NLRP2: variants seen among roughly 807,000 people sequenced by gnomAD.
NLRP2 encodes NACHT, LRR and PYD domains-containing protein 2.
Under a neutral mutation model 97.2 loss-of-function variants are expected in NLRP2, and 107 were observed. The ratio of observed to expected loss-of-function variants is 1.10; its 90% CI spans 0.94 to 1.29. The LOEUF is 1.29. Ranked by LOEUF, NLRP2 falls within the 50% of genes most tolerant of loss-of-function variation. The pLI is 0.00. For synonymous variants in NLRP2, 663 were observed against 551.5 expected, an observed-to-expected ratio of 1.20 and a Z score of -2.83; for missense variants, 1,495 against 1,330.3, an observed-to-expected ratio of 1.12 and a Z score of -1.93.
At chr19:54,999,847 C>T (rs1171922833) in intron 12 of NLRP2, among the ~76,000 whole-genome samples, 1 of 152,060 alleles carries the variant, frequency 6.6e-6, no homozygotes, top group Non-Finnish European at 1.5e-5. Context: ...AGTGATTCTC[C>T]TGTGTCAGCT....
At chr19:54,991,037 C>T (rs545474392) in intron 10 of NLRP2, 2 of 304,974 alleles carry the variant, frequency 6.6e-6, no homozygotes, top group East Asian at 1.4e-4. Context: ...CAGGCATGAG[C>T]CATGTCACCC....
intron 4 of NLRP2, among the ~76,000 whole-genome samples, chr19:54,979,172 A>T (rs1287349440): frequency 6.6e-5 from 10 of 151,728 alleles, no homozygotes; most frequent in Non-Finnish European, 1.5e-4. Context: ...TTTAGTACAG[A>T]TGGGGTTTCA....
At chr19:54,975,118 T>TG (rs2071128771) in intron 3 of NLRP2, among the ~76,000 whole-genome samples, 1 of 22,476 alleles carries the variant, frequency 4.4e-5, no homozygotes, top group Non-Finnish European at 7.9e-5. Context: ...TTTTTTTTTT[T>TG]TTTTTTTTTT....
chr19:54,998,586 CTT>C (rs994099249), intron 12 of NLRP2, among the ~76,000 whole-genome samples: 10 of 41,876 alleles, frequency 2.4e-4, no homozygotes, highest in East Asian at 1.9e-3. Context: ...CAGTTTTACT[CTT>C]TTTTTTGGGG....
In NLRP2 at chr19:54,982,219, G is replaced by T; in HGVS notation, c.521G>T (p.Ser174Ile). 1.9e-6 allele frequency: 3 copies of T among 1,614,172 alleles called. No homozygotes were observed. Among genetic ancestry groups the T allele is most frequent in the Non-Finnish European group, 2.5e-6 (3 of 1,180,034 alleles). The change falls in exon 6 of 13, where the codon AGC (serine) becomes ATC (isoleucine). Residue 174 changes from serine to isoleucine, a missense_variant. Coordinates refer to ENST00000448584, the MANE Select transcript of NLRP2 (RefSeq NM_017852.5). ...ACGAAGTTCCGGGAGATGTGGAAGAGCTGGCCTGGAGATAGCAAAGAGGTC... is the reference window on the plus strand; with the variant it reads ...ACGAAGTTCCGGGAGATGTGGAAGATCTGGCCTGGAGATAGCAAAGAGGTC... ...LKTKFREMWK[S>I]WPGDSKEVQV... is the part of the protein sequence containing the mutation.
In NLRP2 at chr19:54,998,604, CTTTTTTCTTTTTTTTTTTTTTTTTTCCT is replaced by C. The variant is rs2072978614; in HGVS notation, c.3050+1124_3050+1151del. 2.4e-4 allele frequency among the ~76,000 whole-genome samples: 4 copies of C among 16,430 alleles called. No homozygotes were observed. The Admixed American group carries it at 2.5e-3, about 10-fold the overall frequency. The allele number at this position is 16,430 out of a possible 152,430, so 10.8% of individuals were successfully genotyped here. A position where few individuals can be genotyped will look rare whatever the true frequency, so the allele number is the denominator to read the frequency against. On this transcript the variant is annotated intron_variant, in intron 12 of 12. Transcript: ENST00000448584. ...TTTTACTCTTTTTTTTGGGGTGCAT[CTTTTTTCTTTTTTTTTTTTTTTTTTCCT>C]TTTTTTTTTTTTTTTTTTTTATTGA... is the stretch of plus-strand genomic sequence containing the variant.
At position 54,986,571 on chromosome 19, in the gene NLRP2, T is replaced by A. The variant is rs58359316; in HGVS notation, c.2366+256T>A. On this transcript the variant is annotated intron_variant, in intron 8 of 12. Coordinates refer to ENST00000448584, the MANE Select transcript of NLRP2 (RefSeq NM_017852.5). ...TCTTTATCATCTTTTTTTTTTTTTTTATGAAGTCTTGCTCTGTTGCCCAGG... is the reference window on the plus strand; with the variant it reads ...TCTTTATCATCTTTTTTTTTTTTTTAATGAAGTCTTGCTCTGTTGCCCAGG... Among the ~76,000 whole-genome samples the A allele has an allele frequency of 2.8e-3, 423 of 151,542 alleles. 2 individuals are homozygous for A. Among genetic ancestry groups the A allele is most frequent in the African/African-American group, 9.7e-3 (403 of 41,374 alleles).
chr19:54,990,306 C>CA (rs2072386389), intron 9 of NLRP2, 114 bp downstream of exon 9: 5 of 1,225,442 alleles, frequency 4.1e-6, no homozygotes, highest in Non-Finnish European at 6.0e-6. Context: ...AACACCTGTT[C>CA]CCATGTTTAG....
At chr19:54,984,512 TCACTC>T (rs2071918801) in intron 6 of NLRP2, among the ~76,000 whole-genome samples, 2 of 120,816 alleles carry the variant, frequency 1.7e-5, no homozygotes, top group Non-Finnish European at 3.4e-5. Context: ...AGACGGAGTT[TCACTC>T]TTTTTCCCAG....
chr19:54,980,907 T>G (rs2071527528), intron 4 of NLRP2, among the ~76,000 whole-genome samples: 1 of 152,116 alleles, frequency 6.6e-6, no homozygotes, highest in African/African-American at 2.4e-5. Context: ...GTCAGCAGTT[T>G]TAGACTGGCC....
At chr19:54,990,249 G>C in intron 9 of NLRP2, 57 bp downstream of exon 9, 1 of 1,561,636 alleles carries the variant, frequency 6.4e-7, no homozygotes, top group Non-Finnish European at 8.8e-7. Flanking sequence ...CCACAGACGA[G>C]CAATGGTCAT....
intron 2 of NLRP2, among the ~76,000 whole-genome samples, chr19:54,973,540 A>G (rs1425304742): frequency 4.6e-5 from 7 of 151,398 alleles, no homozygotes; most frequent in Non-Finnish European, 5.9e-5. Flanking sequence ...CATGCCCGCT[A>G]ATTTTTGTAT....
chr19:55,000,627 C>G, intron 12 of NLRP2, 133 bp from the exon 13 acceptor site: 3 of 880,586 alleles, frequency 3.4e-6, no homozygotes, highest in Non-Finnish European at 5.4e-6. Flanking sequence ...TGGAACACTC[C>G]TTTGCCACCT....
In NLRP2 at chr19:54,981,589, C is replaced by T. The variant is rs538382025; in HGVS notation, c.398-28C>T. On this transcript the variant is annotated intron_variant, in intron 4 of 12. Transcript: ENST00000448584. Reference sequence around the variant, plus strand: ...ACAGGAAATACACCTGATTTTGTGTCAATCTCACATGAGTTTGTATTTTGT... The same window carrying T: ...ACAGGAAATACACCTGATTTTGTGTTAATCTCACATGAGTTTGTATTTTGT... The T allele has an allele frequency of 1.4e-5, 17 of 1,178,896 alleles. No individual in the cohort carries two copies. The African/African-American group carries it at 2.8e-4, about 20-fold the overall frequency. The allele number at this position is 1,178,896 out of a possible 1,614,324, so 73.0% of individuals were successfully genotyped here. A position where few individuals can be genotyped will look rare whatever the true frequency, so the allele number is the denominator to read the frequency against.
At chr19:54,989,893 A>T in intron 8 of NLRP2, 129 bp from the exon 9 acceptor site, 1 of 925,740 alleles carries the variant, frequency 1.1e-6, no homozygotes, top group Non-Finnish European at 1.7e-6. Flanking sequence ...CGGGAGGCTG[A>T]GGCAGGAGAA....
intron 10 of NLRP2, chr19:54,993,662 T>TG: frequency 6.1e-6 from 1 of 163,356 alleles, no homozygotes; most frequent in Admixed American, 5.6e-5. Context: ...CTGGCCAACA[T>TG]GGGGAAACCC....
chr19:54,986,386 G>A, intron 8 of NLRP2, 71 bp downstream of exon 8: 3 of 1,459,154 alleles, frequency 2.1e-6, no homozygotes, highest in Non-Finnish European at 2.9e-6. Context: ...TGGCAATTTT[G>A]TGTAAATAAG....
At chr19:54,998,714 G>T (rs1369399936) in intron 12 of NLRP2, among the ~76,000 whole-genome samples, 1 of 139,504 alleles carries the variant, frequency 7.2e-6, no homozygotes, top group African/African-American at 2.7e-5. Flanking sequence ...GACAATAGTG[G>T]AGGGAAGGTC....
At chr19:54,976,810 C>CTGTTTTT (rs749684265) in intron 3 of NLRP2, 1 of 268,530 alleles carries the variant, frequency 3.7e-6, no homozygotes, top group Non-Finnish European at 6.9e-6. Context: ...CTTGTTCTCT[C>CTGTTTTT]TCTTTTTTTT....
Sources: gnomAD v4.1 joint callset for allele counts (sites outside exome capture counted in the v4.1 genomes callset) on GRCh38, gnomAD v4.1.1 for gene constraint, MANE v1.5 for transcripts, NCBI Gene and HGNC (gene_info 2026-07-23, HGNC 2026-07-21) for gene names.